BACH2: variants seen among roughly 807,000 people sequenced by gnomAD.
BACH2 encodes BACH transcriptional regulator 2, also known as transcription regulator protein BACH2.
BACH2 carries 5 observed loss-of-function variants against 61.8 expected under a neutral mutation model. The ratio of observed to expected loss-of-function variants is 0.08; its 90% confidence interval spans 0.04 to 0.17. The LOEUF (loss-of-function observed/expected upper bound fraction) is 0.17. Among genes scored for constraint, BACH2 ranks in the 10% least tolerant of loss-of-function variants. The pLI, the probability that BACH2 is intolerant of heterozygous loss-of-function variation, is 1.00. For synonymous variants in BACH2, 446 were observed against 440.1 expected, an observed-to-expected ratio of 1.01 and a Z score of -0.17; for missense variants, 824 against 1,091.1, an observed-to-expected ratio of 0.76 and a Z score of 3.45.
intron 6 of BACH2, among the ~76,000 whole-genome samples, chr6:89,955,553 T>C (rs1774381882): frequency 1.3e-5 from 2 of 151,896 alleles, no homozygotes; most frequent in Admixed American, 6.6e-5. Context: ...GTCACAAGGG[T>C]CCCTCCCAGG....
intron 4 of BACH2, among the ~76,000 whole-genome samples, chr6:90,151,015 A>G (rs879449532): frequency 1.3e-5 from 2 of 152,202 alleles, no homozygotes; most frequent in African/African-American, 2.4e-5. Context: ...TACACGAGGC[A>G]GACAGGTAGA....
At chr6:90,014,906 A>G (rs1405693875) in intron 5 of BACH2, among the ~76,000 whole-genome samples, 2 of 150,718 alleles carry the variant, frequency 1.3e-5, no homozygotes, top group African/African-American at 4.9e-5. Flanking sequence ...CAGGCTCCTG[A>G]GTAACTAGGA....
chr6:89,989,954 T>C (rs1283607596), intron 6 of BACH2, among the ~76,000 whole-genome samples: 1 of 152,016 alleles, frequency 6.6e-6, no homozygotes, highest in African/African-American at 2.4e-5. Flanking sequence ...GGAAGAGAAA[T>C]TTGGCTTCAA....
chr6:90,038,365 T>C (rs753234450), intron 5 of BACH2, among the ~76,000 whole-genome samples: 10 of 152,190 alleles, frequency 6.6e-5, no homozygotes, highest in Non-Finnish European at 1.2e-4. Context: ...TCTAACTTCC[T>C]TCACCTTAGT....
chr6:89,945,357 A>G (rs1393633567), intron 7 of BACH2, among the ~76,000 whole-genome samples: 8 of 152,244 alleles, frequency 5.3e-5, no homozygotes, highest in African/African-American at 1.7e-4. Flanking sequence ...TAAAAGCAAC[A>G]AAGTACTAAT....
At chr6:89,933,946 C>T (rs1435893913) in intron 8 of BACH2, among the ~76,000 whole-genome samples, 1 of 151,780 alleles carries the variant, frequency 6.6e-6, no homozygotes, top group African/African-American at 2.4e-5. Flanking sequence ...GATGGTGCCA[C>T]AGCACTCACC....
chr6:89,974,076 C>T (rs567342979), intron 6 of BACH2, among the ~76,000 whole-genome samples: 5 of 152,146 alleles, frequency 3.3e-5, no homozygotes, highest in South Asian at 2.1e-4. Context: ...CCAAACCTAC[C>T]GCTGACTGGT....
At chr6:90,063,158 T>C (rs2127799287) in intron 5 of BACH2, among the ~76,000 whole-genome samples, 1 of 152,338 alleles carries the variant, frequency 6.6e-6, no homozygotes, top group Admixed American at 6.5e-5. Flanking sequence ...CCACAAAGTA[T>C]TTCTTAAAAT....
chr6:90,172,626 ATATGTAAGTGTATACC>A (rs1312860133), intron 4 of BACH2, among the ~76,000 whole-genome samples: 1 of 152,114 alleles, frequency 6.6e-6, no homozygotes, highest in African/African-American at 2.4e-5. Context: ...ATAATACTGA[ATATGTAAGTGTATACC>A]TAGCAAAACT....
chr6:89,987,877 T>C (rs189410803), intron 6 of BACH2, among the ~76,000 whole-genome samples: 60 of 152,314 alleles, frequency 3.9e-4, no homozygotes, highest in African/African-American at 1.4e-3. Context: ...TGGTTCTTAG[T>C]ATTCCCTCAG....
At chr6:89,946,807 G>T (rs1012209560) in intron 7 of BACH2, among the ~76,000 whole-genome samples, 1 of 152,138 alleles carries the variant, frequency 6.6e-6, no homozygotes, top group African/African-American at 2.4e-5. Context: ...GTTTGGGGCT[G>T]GGTATGCTGT....
At chr6:90,017,491 G>A (rs1778132251) in intron 5 of BACH2, among the ~76,000 whole-genome samples, 1 of 152,064 alleles carries the variant, frequency 6.6e-6, no homozygotes, top group African/African-American at 2.4e-5. Context: ...CAAAATGCTG[G>A]GATCACAGGC....
intron 8 of BACH2, 58 bp downstream of exon 8, chr6:89,938,086 A>G: frequency 1.3e-6 from 2 of 1,506,504 alleles, no homozygotes; most frequent in Non-Finnish European, 1.8e-6. Flanking sequence ...CATTGCTGTT[A>G]CTTTACATTA....
chr6:90,194,400 T>C (rs1459959339), intron 4 of BACH2, among the ~76,000 whole-genome samples: 2 of 152,234 alleles, frequency 1.3e-5, no homozygotes, highest in East Asian at 3.9e-4. Flanking sequence ...TAGTTCAAAA[T>C]ACCTCAAAAG....
At chr6:90,286,205 G>C (rs1028877154) in intron 1 of BACH2, among the ~76,000 whole-genome samples, 1 of 152,198 alleles carries the variant, frequency 6.6e-6, no homozygotes. Flanking sequence ...ACTGGTAACA[G>C]ACAAGCACAG....
At chr6:89,943,872 C>G (rs1773579137) in intron 7 of BACH2, among the ~76,000 whole-genome samples, 1 of 152,162 alleles carries the variant, frequency 6.6e-6, no homozygotes, top group African/African-American at 2.4e-5. Context: ...ATGGTGTGGT[C>G]AGCTCTCCGA....
chr6:90,137,588 ATCT>A (rs1243236876), intron 4 of BACH2, among the ~76,000 whole-genome samples: 1 of 152,178 alleles, frequency 6.6e-6, no homozygotes, highest in African/African-American at 2.4e-5. Context: ...TTTTGAAAAC[ATCT>A]TCTACATACT....
At chr6:90,152,179 T>C (rs1036589741) in intron 4 of BACH2, among the ~76,000 whole-genome samples, 2 of 152,252 alleles carry the variant, frequency 1.3e-5, no homozygotes, top group African/African-American at 4.8e-5. Flanking sequence ...AGGCAGAAGG[T>C]AACCCTGTGT....
At chr6:90,274,222 T>C (rs1771620270) in intron 1 of BACH2, among the ~76,000 whole-genome samples, 1 of 152,226 alleles carries the variant, frequency 6.6e-6, no homozygotes, top group African/African-American at 2.4e-5. Context: ...CATACGTTGA[T>C]TCTATGCCCT....
Sources: allele counts gnomAD v4.1 joint callset (sites outside exome capture counted in the v4.1 genomes callset), GRCh38; gene constraint gnomAD v4.1.1; transcripts MANE v1.5; gene names NCBI Gene and HGNC (gene_info 2026-07-23, HGNC 2026-07-21).